Variants in DNAJB6 observed in about 807,000 individuals in gnomAD.
DNAJB6 encodes DnaJ heat shock protein family (Hsp40) member B6.
In DNAJB6, 16 loss-of-function variants were observed where a neutral mutation model predicts 42.7. The ratio of observed to expected loss-of-function variants is 0.37; its 90% CI spans 0.25 to 0.57. The LOEUF is 0.57. DNAJB6 is among the 20% of genes least tolerant of loss of function. DNAJB6 has a pLI of 0.74. For synonymous variants in DNAJB6, 170 were observed against 163.5 expected (o/e 1.04, Z -0.30); for missense variants, 347 against 416.8 (o/e 0.83, Z 1.46).
At chr7:157,369,772 G>T (rs1175913741) in intron 5 of DNAJB6, among the ~76,000 whole-genome samples, 1 of 149,476 alleles carries the variant, frequency 6.7e-6, no homozygotes, top group Non-Finnish European at 1.5e-5. Flanking sequence ...TTATTAAACA[G>T]GCCTTTCATA....
At chr7:157,400,997 A>G (rs1801833323) in intron 8 of DNAJB6, among the ~76,000 whole-genome samples, 2 of 152,062 alleles carry the variant, frequency 1.3e-5, no homozygotes, top group South Asian at 4.1e-4. Flanking sequence ...AGGTAAAACC[A>G]CTCCTGAGAG....
chr7:157,363,066 C>G, intron 2 of DNAJB6, 95 bp from the exon 3 acceptor site: 1 of 779,508 alleles, frequency 1.3e-6, no homozygotes, highest in Non-Finnish European at 2.1e-6. Context: ...CAGTTGGCAG[C>G]TCTGAAGCCA....
intron 8 of DNAJB6, among the ~76,000 whole-genome samples, chr7:157,402,590 A>G (rs1056223620): frequency 1.3e-5 from 2 of 151,944 alleles, no homozygotes; most frequent in Non-Finnish European, 2.9e-5. Flanking sequence ...CACCACTTCC[A>G]CCTCCGTAGG....
chr7:157,407,339 C>T (rs1434610328), intron 8 of DNAJB6, among the ~76,000 whole-genome samples: 1 of 152,248 alleles, frequency 6.6e-6, no homozygotes, highest in East Asian at 1.9e-4. Flanking sequence ...GCTCACGCTG[C>T]ATCGCTGTGC....
At chr7:157,372,651 G>A (rs1167727597) in intron 5 of DNAJB6, among the ~76,000 whole-genome samples, 1 of 152,090 alleles carries the variant, frequency 6.6e-6, no homozygotes, top group African/African-American at 2.4e-5. Context: ...AGCACAGGCC[G>A]GGCGTCTCGT....
chr7:157,355,316 T>C (rs1799215709), intron 1 of DNAJB6, among the ~76,000 whole-genome samples: 1 of 152,134 alleles, frequency 6.6e-6, no homozygotes, highest in African/African-American at 2.4e-5. Flanking sequence ...ACCCGCCACC[T>C]CTCTTGGCTA....
At chr7:157,342,189 A>G (rs1450937952) in intron 1 of DNAJB6, among the ~76,000 whole-genome samples, 1 of 142,138 alleles carries the variant, frequency 7.0e-6, no homozygotes. Context: ...TTTTTTTGAG[A>G]CAGGGTCTCA....
Position 157,353,438 on chromosome 7 carries a change from T to A in DNAJB6, c.-26-5109T>A, listed in dbSNP as rs181059504. Among the ~76,000 whole-genome samples, 184 of 152,268 alleles carry A rather than the reference T, an allele frequency of 1.2e-3. 1 individual carries two copies. The highest frequency in any genetic ancestry group is 4.1e-3 in the African/African-American group (170 of 41,544). On this transcript the variant is annotated intron_variant, in intron 1 of 9. Transcript: ENST00000262177. ...TAAGCAGTTGACACCGCTACAGTATTGTTAAATGTGGACTTTATTCATATT... is the reference window on the plus strand; with the variant it reads ...TAAGCAGTTGACACCGCTACAGTATAGTTAAATGTGGACTTTATTCATATT...
rs73503289 is a variant in DNAJB6, at chr7:157,375,297, A to G, written c.347-6949A>G. On this transcript the variant is annotated intron_variant, in intron 5 of 9. Transcript: ENST00000262177. ...GTTCTGGTGGTTTCTTCCCTGAGCAATGAGGACTGTGGTTGGGAAGAGGCC... is the reference window on the plus strand; with the variant it reads ...GTTCTGGTGGTTTCTTCCCTGAGCAGTGAGGACTGTGGTTGGGAAGAGGCC... Among the ~76,000 whole-genome samples the G allele has an allele frequency of 2.2e-3, 331 of 152,308 alleles. 1 individual carries two copies. Among genetic ancestry groups the G allele is most frequent in the African/African-American group, 7.7e-3 (322 of 41,562 alleles).
At chr7:157,399,463 T>G (rs1009844952) in intron 8 of DNAJB6, among the ~76,000 whole-genome samples, 2 of 152,218 alleles carry the variant, frequency 1.3e-5, no homozygotes, top group African/African-American at 4.8e-5. Flanking sequence ...TGATCCAGGT[T>G]TGTATCCTTG....
intron 8 of DNAJB6, among the ~76,000 whole-genome samples, chr7:157,398,628 GA>G (rs2117157003): frequency 6.6e-6 from 1 of 152,322 alleles, no homozygotes; most frequent in Non-Finnish European, 1.5e-5. Flanking sequence ...TGAGGGGGGG[GA>G]TGCTGGCAGA....
At position 157,349,909 on chromosome 7, in the gene DNAJB6, G is replaced by T. The variant is rs535645879; in HGVS notation, c.-26-8638G>T. Among the ~76,000 whole-genome samples the T allele has an allele frequency of 2.6e-5, 4 of 152,152 alleles. No individual in the cohort carries two copies. The East Asian group carries it at 7.7e-4, about 29-fold the overall frequency. On this transcript the variant is annotated intron_variant, in intron 1 of 9. Coordinates refer to ENST00000262177, the MANE Select transcript of DNAJB6 (RefSeq NM_058246.4). ...CTGTCCGCCTCAGCCTCCCAGAGTG[G>T]TGGGATTTCAGACATGAGCCACCGC... is the stretch of plus-strand genomic sequence containing the variant.
intron 6 of DNAJB6, among the ~76,000 whole-genome samples, chr7:157,383,053 C>T (rs1470792675): frequency 1.3e-5 from 2 of 152,008 alleles, no homozygotes; most frequent in Non-Finnish European, 2.9e-5. Flanking sequence ...GAGTGCCACT[C>T]TTAGTGTAGT....
chr7:157,365,838 A>G (rs1253106626), intron 3 of DNAJB6, among the ~76,000 whole-genome samples: 1 of 148,750 alleles, frequency 6.7e-6, no homozygotes, highest in Non-Finnish European at 1.5e-5. Flanking sequence ...CTAATTTTGT[A>G]TTTTTAGTAG....
intron 8 of DNAJB6, among the ~76,000 whole-genome samples, chr7:157,405,247 G>A (rs987402507): frequency 2.6e-5 from 4 of 152,212 alleles, no homozygotes; most frequent in East Asian, 1.9e-4. Flanking sequence ...CAGGATGTTC[G>A]AGAGAATGTC....
chr7:157,398,096 G>A lies in DNAJB6; in HGVS notation c.692-11699G>A, dbSNP rs1801683800. On this transcript the variant is annotated intron_variant, in intron 8 of 9. Transcript: ENST00000262177. ...GTTCCTAGCGTTTCCCCAGCAGATG[G>A]CGTCTGCCATTCCAGGGCTGTTCGA... Among the ~76,000 whole-genome samples, 3 of 152,190 alleles carry A rather than the reference G, an allele frequency of 2.0e-5. No individual in the cohort carries two copies. The South Asian group carries it at 6.2e-4, about 32-fold the overall frequency.
In DNAJB6 at chr7:157,363,283, G is replaced by T. The variant is rs376421671; in HGVS notation, c.175+13G>T. ...GTGCTGTCGGATGGTGAGTGACAGC[G>T]AGCTGCTGAAGGACCCTGAGCGGGC... On this transcript the variant is annotated intron_variant, in intron 3 of 9. Coordinates refer to ENST00000262177, the MANE Select transcript of DNAJB6 (RefSeq NM_058246.4). 7.0e-6 allele frequency: 11 copies of T among 1,581,162 alleles called. No homozygotes were observed. The African/African-American group carries it at 1.5e-4, about 21-fold the overall frequency.
At chr7:157,347,204 T>C (rs981068934) in intron 1 of DNAJB6, among the ~76,000 whole-genome samples, 8 of 152,238 alleles carry the variant, frequency 5.3e-5, no homozygotes, top group African/African-American at 1.7e-4. Flanking sequence ...ATTTAATTTA[T>C]ATTCTAAATT....
chr7:157,354,939 T>G lies in DNAJB6; in HGVS notation c.-26-3608T>G, dbSNP rs150038527. Among the ~76,000 whole-genome samples the G allele has an allele frequency of 5.8e-3, 884 of 152,164 alleles. 8 individuals are homozygous for G. Among genetic ancestry groups the G allele is most frequent in the Non-Finnish European group, 7.5e-3 (511 of 68,000 alleles). On this transcript the variant is annotated intron_variant, in intron 1 of 9. Coordinates refer to ENST00000262177, the MANE Select transcript of DNAJB6 (RefSeq NM_058246.4). The stretch of plus-strand genomic sequence containing the variant: ...AGGATTAAGAGTTAAATTTTGGTCG[T>G]GTTCTATTTAGGATGTCTGCTGGAC...
Sources: gnomAD v4.1 joint callset for allele counts (sites outside exome capture counted in the v4.1 genomes callset) on GRCh38, gnomAD v4.1.1 for gene constraint, MANE v1.5 for transcripts, NCBI Gene and HGNC (gene_info 2026-07-23, HGNC 2026-07-21) for gene names.